Variants in TSNARE1 observed in about 807,000 individuals in gnomAD.
TSNARE1 encodes the protein t-SNARE domain-containing protein 1.
TSNARE1 carries 49 observed loss-of-function variants against 62.0 expected under a neutral mutation model. The ratio of observed to expected loss-of-function variants is 0.79; its 90% CI spans 0.63 to 1.00. TSNARE1 has a LOEUF of 1.00. TSNARE1 is among the 50% of genes least tolerant of loss of function. TSNARE1 has a pLI of 0.00. For synonymous variants in TSNARE1, 328 were observed against 294.4 expected (o/e 1.11, Z -1.17); for missense variants, 755 against 700.1 (o/e 1.08, Z -0.88).
intron 4 of TSNARE1, among the ~76,000 whole-genome samples, chr8:142,340,361 G>A (rs1308799187): frequency 6.6e-6 from 1 of 152,174 alleles, no homozygotes; most frequent in African/African-American, 2.4e-5. Context: ...CATGGGGCAT[G>A]GCTCCACTCA....
At chr8:142,235,427 G>A (rs905910683) in intron 12 of TSNARE1, among the ~76,000 whole-genome samples, 13 of 73,564 alleles carry the variant, frequency 1.8e-4, no homozygotes, top group African/African-American at 6.7e-4. Context: ...CCTTCCTCCT[G>A]ACCCCCCTGC....
intron 11 of TSNARE1, chr8:142,276,394 G>C (rs1820500972): frequency 2.0e-6 from 2 of 985,342 alleles, no homozygotes; most frequent in Admixed American, 6.1e-5. Flanking sequence ...ACTCAGGAGG[G>C]ACCAGCCTGC....
chr8:142,285,059 T>C (rs1037071879), intron 10 of TSNARE1, among the ~76,000 whole-genome samples: 8 of 151,336 alleles, frequency 5.3e-5, no homozygotes, highest in African/African-American at 1.7e-4. Flanking sequence ...TTCAGGGGAG[T>C]GGACAAAAGG....
chr8:142,365,431 A>T (rs1357792063), intron 1 of TSNARE1, among the ~76,000 whole-genome samples: 4 of 152,252 alleles, frequency 2.6e-5, no homozygotes, highest in Non-Finnish European at 4.4e-5. Flanking sequence ...CTGTCCTGTG[A>T]ATATGAACAC....
intron 11 of TSNARE1, among the ~76,000 whole-genome samples, chr8:142,282,216 C>T (rs895109602): frequency 2.0e-5 from 3 of 152,142 alleles, no homozygotes; most frequent in Non-Finnish European, 4.4e-5. Flanking sequence ...TCTCCCTACA[C>T]CCCCCCAGCA....
intron 13 of TSNARE1, among the ~76,000 whole-genome samples, chr8:142,220,665 C>T (rs1053808286): frequency 1.4e-4 from 21 of 152,320 alleles, no homozygotes; most frequent in African/African-American, 4.8e-4. Flanking sequence ...GAGTGAAAGG[C>T]GCCACTATGG....
At chr8:142,354,876 A>G (rs1421481929) in intron 1 of TSNARE1, 113 bp from the exon 2 acceptor site, 1 of 619,548 alleles carries the variant, frequency 1.6e-6, no homozygotes, top group Non-Finnish European at 2.8e-6. Flanking sequence ...CCCTGGCTCC[A>G]TTGTACCCAT....
intron 1 of TSNARE1, among the ~76,000 whole-genome samples, chr8:142,394,899 G>A (rs148604833): frequency 0.014 from 2,096 of 152,286 alleles, 25 homozygotes; most frequent in Non-Finnish European, 0.023. Flanking sequence ...AGTGAGGTGC[G>A]CTAAGGGTGC....
At chr8:142,380,049 C>T (rs1206288785) in intron 1 of TSNARE1, among the ~76,000 whole-genome samples, 1 of 152,188 alleles carries the variant, frequency 6.6e-6, no homozygotes, top group African/African-American at 2.4e-5. Context: ...GCCAAATCTG[C>T]GCTGGGAGTT....
In TSNARE1 at chr8:142,223,313, C is replaced by CTCACTCGT. The variant is rs1554624429; in HGVS notation, c.*11+6159_*11+6160insACGAGTGA. ...ACTCACTCAACCACTCACTCATTCA[C>CTCACTCGT]TCACTCATTCACTCACTCGTTCACT... On this transcript the variant is annotated intron_variant, in intron 13 of 13. Transcript: ENST00000524325. Among the ~76,000 whole-genome samples the CTCACTCGT allele has an allele frequency of 5.9e-4, 37 of 62,844 alleles. 3 individuals are homozygous for CTCACTCGT. Among genetic ancestry groups the CTCACTCGT allele is most frequent in the African/African-American group, 1.6e-3 (31 of 19,524 alleles). The allele number at this position is 62,844 out of a possible 152,430, so 41.2% of individuals were successfully genotyped here. A position where few individuals can be genotyped will look rare whatever the true frequency, so the allele number is the denominator to read the frequency against.
chr8:142,349,541 C>T lies in TSNARE1; in HGVS notation c.89-3649G>A, dbSNP rs186766187. Among the ~76,000 whole-genome samples, 500 of 152,234 alleles carry T rather than the reference C, an allele frequency of 3.3e-3. 2 individuals are homozygous for T. Among genetic ancestry groups the T allele is most frequent in the African/African-American group, 0.011 (464 of 41,542 alleles). ...CAGAAATCAATCACAATTTAAAACT[C>T]GCACGCACAGAAGGGGGAAGCCAGG... On this transcript the variant is annotated intron_variant, in intron 2 of 13. Transcript: ENST00000524325.
intron 13 of TSNARE1, among the ~76,000 whole-genome samples, chr8:142,221,984 CT>C (rs1563754330): frequency 2.4e-5 from 2 of 81,970 alleles, no homozygotes; most frequent in Non-Finnish European, 6.8e-5. Context: ...CACTCACTCA[CT>C]CATTCACTCA....
intron 13 of TSNARE1, among the ~76,000 whole-genome samples, chr8:142,216,709 C>T (rs373436969): frequency 6.6e-5 from 10 of 152,174 alleles, no homozygotes; most frequent in African/African-American, 2.4e-4. Flanking sequence ...AGACTCAGGC[C>T]GGCCCAAAGT....
At chr8:142,341,361 C>T (rs72614027) in intron 4 of TSNARE1, among the ~76,000 whole-genome samples, 9,097 of 152,292 alleles carry the variant, frequency 0.06, 445 homozygotes, top group East Asian at 0.26. Flanking sequence ...CTCCTGTTCA[C>T]AGGAAATAAA....
intron 9 of TSNARE1, among the ~76,000 whole-genome samples, chr8:142,314,080 C>T (rs927779836): frequency 6.6e-6 from 1 of 152,036 alleles, no homozygotes; most frequent in Non-Finnish European, 1.5e-5. Flanking sequence ...CGCCCGGCCA[C>T]GTGTGTGTGT....
chr8:142,277,146 A>G (rs1034380185), intron 11 of TSNARE1: 1 of 985,164 alleles, frequency 1.0e-6, no homozygotes, highest in African/African-American at 1.7e-5. Flanking sequence ...CTGTGAGGTG[A>G]GCCCTGCAGA....
intron 1 of TSNARE1, among the ~76,000 whole-genome samples, chr8:142,382,131 T>G (rs982354255): frequency 6.6e-6 from 1 of 151,972 alleles, no homozygotes; most frequent in African/African-American, 2.4e-5. Flanking sequence ...GGCATCCGAG[T>G]GGCATGTGTG....
intron 2 of TSNARE1, among the ~76,000 whole-genome samples, chr8:142,346,159 G>A (rs1323761514): frequency 6.6e-6 from 1 of 152,234 alleles, no homozygotes; most frequent in Non-Finnish European, 1.5e-5. Flanking sequence ...AACCCCCAGG[G>A]CTTGCAGGGG....
chr8:142,380,654 C>T (rs1352537632), intron 1 of TSNARE1, among the ~76,000 whole-genome samples: 2 of 152,082 alleles, frequency 1.3e-5, no homozygotes, highest in Non-Finnish European at 2.9e-5. Context: ...GCCTCCCTCA[C>T]GGGGAAACAG....
Sources: allele counts gnomAD v4.1 joint callset (sites outside exome capture counted in the v4.1 genomes callset), GRCh38; gene constraint gnomAD v4.1.1; transcripts MANE v1.5; gene names NCBI Gene and HGNC (gene_info 2026-07-23, HGNC 2026-07-21).